Variants in SHISA6 observed in about 807,000 individuals in gnomAD.
SHISA6 encodes shisa family member 6, also known as protein shisa-6.
A neutral mutation model predicts 47.9 loss-of-function variants in SHISA6; 22 were observed. The observed-to-expected ratio is 0.46, with a 90% CI of 0.33 to 0.66. The LOEUF is 0.66. Among genes scored for constraint, SHISA6 ranks in the 30% least tolerant of loss-of-function variants. The pLI, the probability that SHISA6 is intolerant of heterozygous loss-of-function variation, is 0.02. For missense variants in SHISA6, 680 were observed against 764.6 expected (o/e 0.89, Z 1.30); for synonymous variants, 388 against 337.8 (o/e 1.15, Z -1.63).
chr17:11,439,205 T>G (rs562766516), intron 3 of SHISA6, among the ~76,000 whole-genome samples: 1 of 152,296 alleles, frequency 6.6e-6, no homozygotes, highest in Non-Finnish European at 1.5e-5. Flanking sequence ...GGCACATTTG[T>G]GCATTGGAGA....
chr17:11,457,899 C>T (rs796878862), intron 3 of SHISA6, among the ~76,000 whole-genome samples: 13 of 152,054 alleles, frequency 8.5e-5, no homozygotes, highest in African/African-American at 2.4e-4. Context: ...TCCTGGCTAA[C>T]GTGGTAAAAC....
In SHISA6 at chr17:11,542,334, GA is replaced by G. The variant is rs5819321; in HGVS notation, c.896-9548del. Among the ~76,000 whole-genome samples, 661 of 122,742 alleles carry G rather than the reference GA, an allele frequency of 5.4e-3. 3 individuals are homozygous for G. Among genetic ancestry groups the G allele is most frequent in the African/African-American group, 0.013 (462 of 35,062 alleles). 80.5% of individuals were successfully genotyped at this position (122,742 alleles called of 152,430 possible). ...GGAAGACCTTTTCACAGTGCTACAAGAAAAAAAAAAAAAAGCCTGTCAACCA... is the reference window on the plus strand; with the variant it reads ...GGAAGACCTTTTCACAGTGCTACAAGAAAAAAAAAAAAAGCCTGTCAACCA... On this transcript the variant is annotated intron_variant, in intron 3 of 5. Transcript: ENST00000441885.
chr17:11,306,293 A>G (rs1910106629), intron 2 of SHISA6, among the ~76,000 whole-genome samples: 1 of 152,118 alleles, frequency 6.6e-6, no homozygotes, highest in Non-Finnish European at 1.5e-5. Flanking sequence ...GCCTTCATCC[A>G]TCTCCCCAAG....
chr17:11,345,515 A>C (rs1479800355), intron 2 of SHISA6, among the ~76,000 whole-genome samples: 1 of 152,188 alleles, frequency 6.6e-6, no homozygotes, highest in African/African-American at 2.4e-5. Context: ...AAGAAAAAAC[A>C]ACTGACATTT....
chr17:11,409,439 A>G (rs2215242), intron 3 of SHISA6, among the ~76,000 whole-genome samples: 26,256 of 152,122 alleles, frequency 0.17, 3,405 homozygotes, highest in African/African-American at 0.37. Context: ...GTGTCGGGCC[A>G]GGAGTGGTGG....
At chr17:11,395,299 G>C (rs899813647) in intron 3 of SHISA6, among the ~76,000 whole-genome samples, 3 of 151,736 alleles carry the variant, frequency 2.0e-5, no homozygotes. Context: ...CACATGTTTA[G>C]GTTTATTTCT....
At chr17:11,522,265 CTATTAT>C (rs1253046034) in intron 3 of SHISA6, among the ~76,000 whole-genome samples, 4 of 151,284 alleles carry the variant, frequency 2.6e-5, no homozygotes, top group Admixed American at 6.6e-5. Context: ...ATGCCTGGCC[CTATTAT>C]TATTATTATT....
At position 11,524,911 on chromosome 17, in the gene SHISA6, G is replaced by T. The variant is rs183736979; in HGVS notation, c.896-26985G>T. The stretch of plus-strand genomic sequence containing the variant: ...ACATCAAGCAGTTAGAGATTATCTC[G>T]CTGTATTTTTTAGAAAAGTAATTCC... On this transcript the variant is annotated intron_variant, in intron 3 of 5. Transcript: ENST00000441885. 1.2e-4 allele frequency among the ~76,000 whole-genome samples: 18 copies of T among 152,228 alleles called. No homozygotes were observed. In the East Asian group the frequency reaches 2.3e-3, roughly 20 times the overall value.
intron 3 of SHISA6, among the ~76,000 whole-genome samples, chr17:11,481,188 A>G (rs1916203795): frequency 6.6e-6 from 1 of 152,002 alleles, no homozygotes; most frequent in Non-Finnish European, 1.5e-5. Context: ...CTGAGGCAGG[A>G]GACTTATTTG....
chr17:11,338,247 T>TC (rs1234683792), intron 2 of SHISA6, among the ~76,000 whole-genome samples: 1 of 152,150 alleles, frequency 6.6e-6, no homozygotes, highest in East Asian at 1.9e-4. Context: ...CTCTCCTCTC[T>TC]CCCCTCTACC....
intron 3 of SHISA6, among the ~76,000 whole-genome samples, chr17:11,505,390 C>T (rs1222904663): frequency 6.6e-6 from 1 of 152,200 alleles, no homozygotes; most frequent in Non-Finnish European, 1.5e-5. Context: ...TAGGGATAGA[C>T]ATGGAGTGGG....
chr17:11,541,939 A>G (rs948350199), intron 3 of SHISA6, among the ~76,000 whole-genome samples: 2 of 152,180 alleles, frequency 1.3e-5, no homozygotes, highest in East Asian at 3.8e-4. Context: ...TCATAAAGCA[A>G]TTATGAAGCT....
At chr17:11,351,129 T>C (rs4791465) in intron 2 of SHISA6, among the ~76,000 whole-genome samples, 150,832 of 151,896 alleles carry the variant, frequency 0.99, 74,896 homozygotes, top group East Asian at 1. Context: ...CATCACACAC[T>C]GGGGCCTGTT....
chr17:11,471,292 AC>A (rs1567614495), intron 3 of SHISA6, among the ~76,000 whole-genome samples: 1 of 151,818 alleles, frequency 6.6e-6, no homozygotes, highest in Non-Finnish European at 1.5e-5. Context: ...TACAGGAGCA[AC>A]TCAGATGGGC....
At chr17:11,415,046 C>T (rs1011188880) in intron 3 of SHISA6, among the ~76,000 whole-genome samples, 2 of 150,756 alleles carry the variant, frequency 1.3e-5, no homozygotes, top group African/African-American at 4.9e-5. Context: ...CCATTGCACT[C>T]CAGCCTGGGG....
At chr17:11,547,840 C>T (rs1343518855) in intron 3 of SHISA6, among the ~76,000 whole-genome samples, 1 of 152,034 alleles carries the variant, frequency 6.6e-6, no homozygotes, top group Non-Finnish European at 1.5e-5. Flanking sequence ...AAAAGCGATC[C>T]AAGTTCATAT....
chr17:11,451,339 A>G (rs553796404), intron 3 of SHISA6, among the ~76,000 whole-genome samples: 7 of 152,324 alleles, frequency 4.6e-5, no homozygotes, highest in African/African-American at 1.7e-4. Flanking sequence ...TGGAGGAGGA[A>G]GAGGTTAGAG....
intron 3 of SHISA6, among the ~76,000 whole-genome samples, chr17:11,413,317 T>C (rs1914189275): frequency 6.6e-6 from 1 of 152,234 alleles, no homozygotes. Flanking sequence ...ACAGAGTTTA[T>C]CTGCCCTATA....
chr17:11,547,203 A>G (rs1443180770), intron 3 of SHISA6, among the ~76,000 whole-genome samples: 1 of 152,250 alleles, frequency 6.6e-6, no homozygotes. Flanking sequence ...TTTCATAGAT[A>G]TAATAGGAAC....
Sources: gnomAD v4.1 joint callset for allele counts (sites outside exome capture counted in the v4.1 genomes callset) on GRCh38, gnomAD v4.1.1 for gene constraint, MANE v1.5 for transcripts, NCBI Gene and HGNC (gene_info 2026-07-23, HGNC 2026-07-21) for gene names.